The following NDUFA5 variants were observed in gnomAD, a reference collection of about 807,000 sequenced individuals.
NDUFA5 encodes the protein NADH dehydrogenase [ubiquinone] 1 alpha subcomplex subunit 5.
NDUFA5 carries 11 observed loss-of-function variants against 19.8 expected under a neutral mutation model. The observed-to-expected ratio is 0.56, with a 90% CI of 0.35 to 0.92. NDUFA5 has a LOEUF of 0.92. Among genes scored for constraint, NDUFA5 ranks in the 40% least tolerant of loss-of-function variants. NDUFA5 has a pLI of 0.01. For synonymous variants in NDUFA5, 47 were observed against 46.8 expected (o/e 1.00, Z -0.01); for missense variants, 109 against 134.2 (o/e 0.81, Z 0.93).
the NDUFA5 span, among the ~76,000 whole-genome samples, chr7:123,577,317 G>A: frequency 7.2e-5 from 11 of 152,028 alleles, no homozygotes; most frequent in South Asian, 2.1e-4. Flanking sequence ...ATTCTTATTC[G>A]ATACTGAGAA....
At chr7:123,586,218 C>T in the NDUFA5 span, among the ~76,000 whole-genome samples, 1 of 151,784 alleles carries the variant, frequency 6.6e-6, no homozygotes, top group Non-Finnish European at 1.5e-5. Flanking sequence ...CGTTTTATTT[C>T]TCCACTTCAT....
chr7:123,569,190 G>A, the NDUFA5 span, among the ~76,000 whole-genome samples: 2 of 152,042 alleles, frequency 1.3e-5, no homozygotes, highest in South Asian at 2.1e-4. Flanking sequence ...CATTTTGTCC[G>A]GTGGTCATGC....
chr7:123,596,127 T>C, the NDUFA5 span, among the ~76,000 whole-genome samples: 1 of 152,076 alleles, frequency 6.6e-6, no homozygotes, highest in Non-Finnish European at 1.5e-5. Context: ...ATCACACTTT[T>C]TCTAGTTTCC....
the NDUFA5 span, among the ~76,000 whole-genome samples, chr7:123,587,924 T>C: frequency 6.6e-6 from 1 of 151,822 alleles, no homozygotes. Context: ...AATGCACTGC[T>C]GAATTTGGTT....
chr7:123,570,341 T>C, the NDUFA5 span, among the ~76,000 whole-genome samples: 1 of 152,068 alleles, frequency 6.6e-6, no homozygotes, highest in Non-Finnish European at 1.5e-5. Flanking sequence ...CAGCCTGCCA[T>C]AGCTCTTATA....
At chr7:123,593,714 T>C in the NDUFA5 span, among the ~76,000 whole-genome samples, 1 of 152,196 alleles carries the variant, frequency 6.6e-6, no homozygotes, top group Non-Finnish European at 1.5e-5. Context: ...CTTAACATTT[T>C]TTCCTTCATT....
At chr7:123,569,217 A>G in the NDUFA5 span, among the ~76,000 whole-genome samples, 202 of 152,338 alleles carry the variant, frequency 1.3e-3, no homozygotes, top group African/African-American at 4.8e-3. Flanking sequence ...GACAGACGTA[A>G]ATGGCAATCT....
chr7:123,586,103 G>A, the NDUFA5 span, among the ~76,000 whole-genome samples: 1 of 151,736 alleles, frequency 6.6e-6, no homozygotes, highest in Non-Finnish European at 1.5e-5. Context: ...AACAGGTGAG[G>A]TTGCTAGATC....
chr7:123,555,744 T>A (rs1197478757), intron 2 of NDUFA5: 1 of 152,214 alleles, frequency 6.6e-6, no homozygotes, highest in African/African-American at 2.4e-5. Flanking sequence ...ATCCCTGCCT[T>A]CATGAAACCT....
the NDUFA5 span, among the ~76,000 whole-genome samples, chr7:123,600,686 C>A: frequency 6.6e-6 from 1 of 152,276 alleles, no homozygotes; most frequent in South Asian, 2.1e-4. Flanking sequence ...TAAAATACTT[C>A]TCAGTTTGCT....
chr7:123,549,866 T>C (rs1012013114), intron 3 of NDUFA5, among the ~76,000 whole-genome samples: 1 of 152,220 alleles, frequency 6.6e-6, no homozygotes, highest in Admixed American at 6.5e-5. Flanking sequence ...AACTATATAG[T>C]CTGGTAATCT....
rs1175282968 is a variant in NDUFA5 at position 123,548,210 on chromosome 7, C to T, written c.183+2260G>A. 2.0e-5 allele frequency among the ~76,000 whole-genome samples: 3 copies of T among 152,248 alleles called. No homozygotes were observed. The East Asian group carries it at 5.8e-4, about 29-fold the overall frequency. On this transcript the variant is annotated intron_variant, in intron 3 of 4. Transcript: ENST00000355749. Reference sequence around the variant, plus strand: ...TGTGGCTGTATGCAGGGTTAAAAATCTGTGATAATTTTACCAAAAACAGGA... The same window carrying T: ...TGTGGCTGTATGCAGGGTTAAAAATTTGTGATAATTTTACCAAAAACAGGA...
rs936184216 is a variant in NDUFA5, at chr7:123,541,271, C to T, written c.*848G>A. On this transcript the variant is annotated 3_prime_UTR_variant, in exon 5 of 5. Coordinates refer to ENST00000355749, the MANE Select transcript of NDUFA5 (RefSeq NM_005000.5). The stretch of plus-strand genomic sequence containing the variant: ...CTTAATGTCTCTTCTTTTACAGAAA[C>T]TCTACCTCTATCCTGATGTAATTAG... The T allele has an allele frequency of 6.6e-6, 1 of 152,190 alleles. No homozygotes were observed. The highest frequency in any genetic ancestry group is 1.5e-5 in the Non-Finnish European group (1 of 68,034). The allele number at this position is 152,190 out of a possible 1,614,324, so 9.4% of individuals were successfully genotyped here. A position where few individuals can be genotyped will look rare whatever the true frequency, so the allele number is the denominator to read the frequency against.
the NDUFA5 span, chr7:123,566,861 G>T: frequency 6.6e-6 from 1 of 152,168 alleles, no homozygotes; most frequent in Non-Finnish European, 1.5e-5. Context: ...TGCTGGTATA[G>T]TCACTGGAAC....
chr7:123,548,433 T>C (rs1562894795), intron 3 of NDUFA5, among the ~76,000 whole-genome samples: 1 of 152,138 alleles, frequency 6.6e-6, no homozygotes, highest in Non-Finnish European at 1.5e-5. Flanking sequence ...GGTAACAAAG[T>C]TGTCAAACTC....
the NDUFA5 span, among the ~76,000 whole-genome samples, chr7:123,586,990 A>G: frequency 7.9e-5 from 12 of 151,718 alleles, no homozygotes; most frequent in African/African-American, 2.4e-4. Context: ...TATAATTTGA[A>G]TTGTATTATA....
the NDUFA5 span, among the ~76,000 whole-genome samples, chr7:123,601,503 G>T: frequency 2.0e-5 from 3 of 152,076 alleles, no homozygotes; most frequent in Non-Finnish European, 2.9e-5. Context: ...AGTGGATTAG[G>T]CTCTGACAAC....
intron 3 of NDUFA5, 29 bp downstream of exon 3, chr7:123,550,441 A>G (rs199509342): frequency 1.3e-5 from 6 of 444,928 alleles, no homozygotes; most frequent in Non-Finnish European, 2.1e-5. Context: ...AATGTTACAC[A>G]AGACAACAAA....
chr7:123,557,628 C>G, intron 1 of NDUFA5, 147 bp downstream of exon 1: 1 of 1,613,586 alleles, frequency 6.2e-7, no homozygotes, highest in Non-Finnish European at 8.5e-7. Context: ...CACTAACCTG[C>G]CCTACCCGGT....
Sources: allele counts gnomAD v4.1 joint callset (sites outside exome capture counted in the v4.1 genomes callset), GRCh38; gene constraint gnomAD v4.1.1; transcripts MANE v1.5; gene names NCBI Gene and HGNC (gene_info 2026-07-23, HGNC 2026-07-21).